TRMT10A: variants seen among roughly 807,000 people sequenced by gnomAD.
TRMT10A encodes the protein tRNA methyltransferase 10A, also known as tRNA methyltransferase 10 homolog A.
In TRMT10A, 37 loss-of-function variants were observed where a neutral mutation model predicts 40.4. The ratio of observed to expected loss-of-function variants is 0.92; its 90% CI spans 0.71 to 1.21. The LOEUF is 1.21. TRMT10A is among the 50% of genes most tolerant of loss of function. The probability of loss-of-function intolerance (pLI) is 0.00; values close to 1 mark genes in which losing one functional copy is unlikely to be tolerated. For missense variants in TRMT10A, 388 were observed against 404.3 expected, an observed-to-expected ratio of 0.96 and a Z score of 0.35; for synonymous variants, 103 against 134.1, an observed-to-expected ratio of 0.77 and a Z score of 1.60.
In TRMT10A at chr4:99,559,171, C is replaced by G. The variant is rs756309644; in HGVS notation, c.168G>C (p.Glu56Asp). The change falls in exon 2 of 8, where the codon GAG (glutamate) becomes GAC (aspartate). Residue 56 changes from glutamate (E) to aspartate (D), a missense_variant. By Grantham distance (45) the Glu-to-Asp change is conservative. Coordinates refer to ENST00000394876, the MANE Select transcript of TRMT10A (RefSeq NM_001134665.3). ...KKLIKQKQWE[E>D]QRELRKQKRK... ...ACACATACTTGCGGAGTTCCCGTTG[C>G]TCTTCCCATTGTTTCTGTTTTATTA... 1 of 1,612,238 alleles carries G rather than the reference C, an allele frequency of 6.2e-7. No homozygotes were observed. The highest frequency in any genetic ancestry group is 1.1e-5 in the South Asian group (1 of 90,758).
chr4:99,557,416 C>G lies in TRMT10A; in HGVS notation c.349G>C (p.Asp117His). The change falls in exon 4 of 8, where the codon GAC becomes CAC. Residue 117 changes from aspartate (D) to histidine (H), a missense_variant and splice_region_variant. Asp to His is a moderately conservative substitution (Grantham distance 81). Coordinates refer to ENST00000394876, the MANE Select transcript of TRMT10A (RefSeq NM_001134665.3). Reference sequence around the variant, plus strand: ...ATCTGCTTATGAAGTTTCTTAATGTCCTATCACAGAGTTCAATTTTTAAAG... The same window carrying G: ...ATCTGCTTATGAAGTTTCTTAATGTGCTATCACAGAGTTCAATTTTTAAAG... ...CSFDHLMVLK[D>H]IKKLHKQIQR... 1 of 1,612,368 alleles carries G rather than the reference C, an allele frequency of 6.2e-7. No homozygotes were observed. The highest frequency in any genetic ancestry group is 1.1e-5 in the South Asian group (1 of 90,700).
At chr4:99,556,679 T>A (rs1465132180) in intron 4 of TRMT10A, among the ~76,000 whole-genome samples, 1 of 152,154 alleles carries the variant, frequency 6.6e-6, no homozygotes, top group Non-Finnish European at 1.5e-5. Context: ...AAGTGTGATA[T>A]GAGACTATAA....
intron 1 of TRMT10A, among the ~76,000 whole-genome samples, chr4:99,560,781 C>T (rs141396553): frequency 7.9e-5 from 12 of 152,180 alleles, no homozygotes; most frequent in Admixed American, 3.3e-4. Flanking sequence ...CAAAACGACA[C>T]CGAGTGGAGG....
intron 1 of TRMT10A, chr4:99,563,555 C>T (rs1450934351): frequency 4.2e-6 from 1 of 238,864 alleles, no homozygotes; most frequent in African/African-American, 2.3e-5. Flanking sequence ...TTTGCAAACT[C>T]ACTTTTCACA....
chr4:99,559,375 T>C lies in TRMT10A; in HGVS notation c.-23-14A>G. ...TCTGAAAAACAACTTTTGACATGAA[T>C]AGATAATTTACAAGCACAAAAAAGT... On this transcript the variant is annotated splice_polypyrimidine_tract_variant and intron_variant, in intron 1 of 7. Transcript: ENST00000394876. 2 of 1,539,626 alleles carry C rather than the reference T, an allele frequency of 1.3e-6. No individual in the cohort carries two copies. The highest frequency in any genetic ancestry group is 1.8e-6 in the Non-Finnish European group (2 of 1,134,060).
rs1560596749 is a variant in TRMT10A at position 99,549,270 on chromosome 4, G to GAAC, written c.835_837dup (p.Val279dup). ...GCACTTTCACAGGCTTTGTCTGTGGGAACAGCTCCTTTCCGTTGGGGCAAG... is the reference window on the plus strand; with the variant it reads ...GCACTTTCACAGGCTTTGTCTGTGGGAACAACAGCTCCTTTCCGTTGGGGCAAG... On this transcript the variant is annotated inframe_insertion, in exon 8 of 8. Transcript: ENST00000394876. 1 of 1,614,094 alleles carries GAAC rather than the reference G, an allele frequency of 6.2e-7. No homozygotes were observed. The highest frequency in any genetic ancestry group is 8.5e-7 in the Non-Finnish European group (1 of 1,180,000).
Position 99,548,984 on chromosome 4 carries a change from C to A in TRMT10A, c.*104G>T. ...TCCAAAAAAAAGTTTTTAAAAATCA[C>A]AACAGAAATAAGAGAAAATAAAATG... On this transcript the variant is annotated 3_prime_UTR_variant, in exon 8 of 8. Coordinates refer to ENST00000394876, the MANE Select transcript of TRMT10A (RefSeq NM_001134665.3). 2 of 1,262,604 alleles carry A rather than the reference C, an allele frequency of 1.6e-6. No homozygotes were observed. The highest frequency in any genetic ancestry group is 2.7e-5 in the Admixed American group (1 of 36,438). The allele number at this position is 1,262,604 out of a possible 1,614,324, so 78.2% of individuals were successfully genotyped here.
chr4:99,557,966 C>T, intron 3 of TRMT10A, 83 bp downstream of exon 3: 2 of 1,289,764 alleles, frequency 1.6e-6, no homozygotes, highest in South Asian at 3.3e-5. Context: ...CACAAATTTA[C>T]ATAAAAGGGA....
intron 6 of TRMT10A, among the ~76,000 whole-genome samples, chr4:99,551,521 C>T (rs913292916): frequency 2.6e-5 from 4 of 152,058 alleles, no homozygotes; most frequent in Non-Finnish European, 5.9e-5. Flanking sequence ...TGTGGTGATG[C>T]TGGAAGAAAC....
At chr4:99,563,804 T>C in intron 1 of TRMT10A, 109 bp downstream of exon 1, 5 of 603,930 alleles carry the variant, frequency 8.3e-6, no homozygotes, top group Non-Finnish European at 1.5e-5. Context: ...ACTGCTCCCC[T>C]CTCCCCCGGA....
intron 5 of TRMT10A, among the ~76,000 whole-genome samples, chr4:99,555,303 G>A (rs1724122671): frequency 6.6e-6 from 1 of 152,126 alleles, no homozygotes; most frequent in Non-Finnish European, 1.5e-5. Flanking sequence ...TATGGAATTA[G>A]TGAGTGTGAA....
At chr4:99,557,505 A>G in intron 3 of TRMT10A, 89 bp from the exon 4 acceptor site, 1 of 1,087,114 alleles carries the variant, frequency 9.2e-7, no homozygotes, top group Admixed American at 2.2e-5. Context: ...AGCAGAAGGG[A>G]TGACTATATA....
intron 5 of TRMT10A, among the ~76,000 whole-genome samples, chr4:99,555,259 TATC>T (rs1442770219): frequency 7.9e-5 from 12 of 152,248 alleles, no homozygotes; most frequent in African/African-American, 2.4e-4. Context: ...AAATGTTTCA[TATC>T]ATAGGCTATT....
intron 6 of TRMT10A, among the ~76,000 whole-genome samples, chr4:99,551,926 ATT>A (rs202198650): frequency 6.0e-5 from 9 of 150,894 alleles, no homozygotes; most frequent in African/African-American, 1.9e-4. Flanking sequence ...AAAGAGGAAA[ATT>A]TTTTTTTTAA....
In TRMT10A at chr4:99,547,909, C is replaced by T. The variant is rs1024432767; in HGVS notation, c.*1179G>A. ...GAAATCTTTTAGCTGTGACAGAGAC[C>T]AATCATTTTACCTTAAACATTTAAC... On this transcript the variant is annotated 3_prime_UTR_variant, in exon 8 of 8. Coordinates refer to ENST00000394876, the MANE Select transcript of TRMT10A (RefSeq NM_001134665.3). 6.6e-6 allele frequency: 1 copy of T among 152,044 alleles called. No individual in the cohort carries two copies. Among genetic ancestry groups the T allele is most frequent in the Non-Finnish European group, 1.5e-5 (1 of 67,962 alleles). The allele number at this position is 152,044 out of a possible 1,614,324, so 9.4% of individuals were successfully genotyped here. A position where few individuals can be genotyped will look rare whatever the true frequency, so the allele number is the denominator to read the frequency against.
chr4:99,553,800 A>T lies in TRMT10A; in HGVS notation c.630T>A (p.Asp210Glu). The change falls in exon 6 of 8, where the codon GAT (aspartate) becomes GAA (glutamate). Residue 210 changes from aspartate (D) to glutamate (E), a missense_variant. By Grantham distance (45) the Asp-to-Glu change is conservative. Coordinates refer to ENST00000394876, the MANE Select transcript of TRMT10A (RefSeq NM_001134665.3). ...TTAATAGTACCTTGTGATGGTTGTG[A>T]TCTACTAATCCTCCAATCACATAGG... is the stretch of plus-strand genomic sequence containing the variant. ...SKAYVIGGLV[D>E]HNHHKGLTYK... 6.2e-7 allele frequency: 1 copy of T among 1,609,144 alleles called. No homozygotes were observed. The highest frequency in any genetic ancestry group is 8.5e-7 in the Non-Finnish European group (1 of 1,178,740).
rs1578201628 is a variant in TRMT10A at position 99,548,548 on chromosome 4, A to G, written c.*540T>C. 1 of 152,352 alleles carries G rather than the reference A, an allele frequency of 6.6e-6. No individual in the cohort carries two copies. Among genetic ancestry groups the G allele is most frequent in the African/African-American group, 2.4e-5 (1 of 41,474 alleles). 9.4% of individuals were successfully genotyped at this position (152,352 alleles called of 1,614,324 possible). ...ATATGCGCTCCATAGTCCAAAAGAA[A>G]TGAATTATTAAGTCTATCAAACTGA... On this transcript the variant is annotated 3_prime_UTR_variant, in exon 8 of 8. Transcript: ENST00000394876.
At position 99,563,921 on chromosome 4, in the gene TRMT10A, A is replaced by G. The variant is rs745341752; in HGVS notation, c.-32T>C. 3.8e-6 allele frequency: 3 copies of G among 786,910 alleles called. No individual in the cohort carries two copies. The South Asian group carries it at 4.4e-5, about 12-fold the overall frequency. The allele number at this position is 786,910 out of a possible 1,614,324, so 48.7% of individuals were successfully genotyped here. ...AGTGCCAGGACACTTACCGAGCTGA[A>G]GAGTTGACAGGGAAGTGAAATCTCA... On this transcript the variant is annotated 5_prime_UTR_variant, in exon 1 of 8. Coordinates refer to ENST00000394876, the MANE Select transcript of TRMT10A (RefSeq NM_001134665.3).
At position 99,557,404 on chromosome 4, in the gene TRMT10A, G is replaced by A; in HGVS notation, c.361C>T (p.Leu121Phe). 6.2e-7 allele frequency: 1 copy of A among 1,613,432 alleles called. No homozygotes were observed. Among genetic ancestry groups the A allele is most frequent in the Non-Finnish European group, 8.5e-7 (1 of 1,179,546 alleles). The change falls in exon 4 of 8, where the codon CTT becomes TTT. Residue 121 changes from leucine (L) to phenylalanine (F), a missense_variant. Physicochemically the swap from Leu to Phe is conservative, Grantham distance 22. Transcript: ENST00000394876. Reference sequence around the variant, plus strand: ...TAACATCGTTGAATCTGCTTATGAAGTTTCTTAATGTCCTATCACAGAGTT... The same window carrying A: ...TAACATCGTTGAATCTGCTTATGAAATTTCTTAATGTCCTATCACAGAGTT... ...HLMVLKDIKK[L>F]HKQIQRCYAE...
Sources: gnomAD v4.1 joint callset for allele counts (sites outside exome capture counted in the v4.1 genomes callset) on GRCh38, gnomAD v4.1.1 for gene constraint, MANE v1.5 for transcripts, NCBI Gene and HGNC (gene_info 2026-07-23, HGNC 2026-07-21) for gene names.